KDM5B: variants seen among roughly 807,000 people sequenced by gnomAD.
The protein encoded by KDM5B is lysine-specific demethylase 5B.
Under a neutral mutation model 193.4 loss-of-function variants are expected in KDM5B, and 144 were observed. The observed-to-expected ratio is 0.74, with a 90% CI of 0.65 to 0.86. The LOEUF is 0.86. KDM5B is among the 40% of genes least tolerant of loss of function. The pLI is 0.00. For missense variants in KDM5B, 1,833 were observed against 1,886.9 expected (o/e 0.97, Z 0.53); for synonymous variants, 668 against 682.6 (o/e 0.98, Z 0.33).
chr1:202,734,120 A>G (rs1470503915), intron 22 of KDM5B, among the ~76,000 whole-genome samples: 1 of 152,112 alleles, frequency 6.6e-6, no homozygotes, highest in African/African-American at 2.4e-5. Context: ...TGAGATGACA[A>G]GTAAGAGATG....
chr1:202,784,814 C>T (rs1345784215), intron 1 of KDM5B, among the ~76,000 whole-genome samples: 4 of 152,122 alleles, frequency 2.6e-5, no homozygotes, highest in African/African-American at 9.7e-5. Context: ...CCCAGACAGG[C>T]CTTGAGGCCA....
chr1:202,796,513 T>G (rs556039687), intron 1 of KDM5B: 13 of 188,644 alleles, frequency 6.9e-5, no homozygotes, highest in African/African-American at 2.9e-4. Context: ...GTAGCTGGTG[T>G]GCTGGTCCAC....
At chr1:202,796,819 G>C (rs1464672723) in intron 1 of KDM5B, 1 of 154,502 alleles carries the variant, frequency 6.5e-6, no homozygotes, top group African/African-American at 2.4e-5. Context: ...GCATCACCAT[G>C]ATGCTGGCTA....
At chr1:202,765,669 A>G (rs960998840) in intron 5 of KDM5B, among the ~76,000 whole-genome samples, 2 of 152,214 alleles carry the variant, frequency 1.3e-5, no homozygotes, top group South Asian at 4.1e-4. Flanking sequence ...GAAAAAGTGA[A>G]TCACTAAATT....
chr1:202,745,393 G>A (rs1025553665), intron 16 of KDM5B, among the ~76,000 whole-genome samples: 32 of 152,170 alleles, frequency 2.1e-4, no homozygotes, highest in African/African-American at 7.5e-4. Flanking sequence ...AAGGGTAGCA[G>A]TGACTTTCAA....
chr1:202,788,059 T>TA, intron 1 of KDM5B, among the ~76,000 whole-genome samples: 1 of 152,284 alleles, frequency 6.6e-6, no homozygotes, highest in South Asian at 2.1e-4. Context: ...GAACACCCCA[T>TA]ACAATCTGTC....
Position 202,745,795 on chromosome 1 carries a change from A to AT in KDM5B, c.2323+62dup, listed in dbSNP as rs1655528274. ...TTCAAGAAATGTTTTGTTGACTTTA[A>AT]TTTGGCTACATCACAATAAGCCCCA... is the stretch of plus-strand genomic sequence containing the variant. On this transcript the variant is annotated intron_variant, in intron 16 of 26. Coordinates refer to ENST00000367265, the MANE Select transcript of KDM5B (RefSeq NM_006618.5). 3.2e-6 allele frequency: 5 copies of AT among 1,582,604 alleles called. No individual in the cohort carries two copies. In the Admixed American group the frequency reaches 8.3e-5, roughly 26 times the overall value.
rs111323468 is a variant in KDM5B at position 202,771,294 on chromosome 1, C to T, written c.576+1824G>A. ...TCACCCAGGCTGGAGTGCAATGGCA[C>T]GATCTCGGCTCATTGCAACCTCTGC... is the stretch of plus-strand genomic sequence containing the variant. On this transcript the variant is annotated intron_variant, in intron 4 of 26. Transcript: ENST00000367265. Among the ~76,000 whole-genome samples the T allele has an allele frequency of 1.3e-4, 20 of 152,172 alleles. 2 individuals are homozygous for T. The highest frequency in any genetic ancestry group is 3.4e-4 in the African/African-American group (14 of 41,530).
chr1:202,751,014 G>A (rs1655769050), intron 12 of KDM5B, among the ~76,000 whole-genome samples: 1 of 152,172 alleles, frequency 6.6e-6, no homozygotes, highest in Non-Finnish European at 1.5e-5. Flanking sequence ...AAACAAAAAT[G>A]TGCCCATATT....
intron 1 of KDM5B, among the ~76,000 whole-genome samples, chr1:202,780,313 A>G (rs1309609090): frequency 6.6e-6 from 1 of 152,114 alleles, no homozygotes; most frequent in Non-Finnish European, 1.5e-5. Context: ...CAGTCTCCCA[A>G]GTAGCTGGGA....
chr1:202,761,196 T>C (rs1339946701), intron 7 of KDM5B, among the ~76,000 whole-genome samples: 7 of 152,108 alleles, frequency 4.6e-5, no homozygotes, highest in Admixed American at 4.6e-4. Context: ...ATCCCAACAC[T>C]TTTGGGGGCC....
chr1:202,790,475 T>A (rs991093131), intron 1 of KDM5B, among the ~76,000 whole-genome samples: 1 of 151,886 alleles, frequency 6.6e-6, no homozygotes, highest in Non-Finnish European at 1.5e-5. Context: ...ATCCCAGCAC[T>A]TTGGGAGGCT....
At chr1:202,742,351 G>C in intron 18 of KDM5B, 40 bp downstream of exon 18, 1 of 1,364,590 alleles carries the variant, frequency 7.3e-7, no homozygotes, top group Non-Finnish European at 1.0e-6. Context: ...CAAAATACAG[G>C]ATTACCAAAG....
chr1:202,730,832 TTA>T, intron 25 of KDM5B, 75 bp downstream of exon 25: 1 of 1,408,728 alleles, frequency 7.1e-7, no homozygotes, highest in Non-Finnish European at 9.6e-7. Flanking sequence ...AGCTGTCTGG[TTA>T]TGTTTCGAGG....
Position 202,733,877 on chromosome 1 carries a change from G to C in KDM5B, c.3433C>G (p.Leu1145Val), listed in dbSNP as rs1366857278. The C allele has an allele frequency of 6.2e-7, 1 of 1,607,524 alleles. No homozygotes were observed. The highest frequency in any genetic ancestry group is 8.5e-7 in the Non-Finnish European group (1 of 1,176,826). Residue 1145 changes from leucine (L) to valine (V), a missense_variant, in exon 23 of 27, where the codon CTT becomes GTT. Coordinates refer to ENST00000367265, the MANE Select transcript of KDM5B (RefSeq NM_006618.5). ...ATTTCCCTTAGGCGAGCTTCCCCAAGAGTTGCCATCTGAAAAAGAGTTAAC... is the reference window on the plus strand; with the variant it reads ...ATTTCCCTTAGGCGAGCTTCCCCAACAGTTGCCATCTGAAAAAGAGTTAAC... ...SKETASAMAT[L>V]GEARLREMEA...
intron 1 of KDM5B, among the ~76,000 whole-genome samples, chr1:202,805,061 C>A (rs1658238365): frequency 6.6e-6 from 1 of 152,086 alleles, no homozygotes; most frequent in Admixed American, 6.5e-5. Flanking sequence ...CCAAATACCA[C>A]AAAGTGATAT....
At position 202,741,970 on chromosome 1, in the gene KDM5B, G is replaced by C. The variant is rs1655362722; in HGVS notation, c.2590-248C>G. ...TTTTTTCTGCAACCTCCGCCTCTTG[G>C]GTTCAAGCGATTCTCCTGCTTCAGC... On this transcript the variant is annotated intron_variant, in intron 18 of 26. Transcript: ENST00000367265. Among the ~76,000 whole-genome samples the C allele has an allele frequency of 4.0e-5, 6 of 151,390 alleles. No individual in the cohort carries two copies. The South Asian group carries it at 1.3e-3, about 32-fold the overall frequency.
intron 2 of KDM5B, among the ~76,000 whole-genome samples, chr1:202,776,589 C>CT (rs1656964256): frequency 6.6e-6 from 1 of 152,060 alleles, no homozygotes; most frequent in African/African-American, 2.4e-5. Flanking sequence ...GGGTCTTGCT[C>CT]TGTCGCCCAG....
At chr1:202,740,605 C>T (rs1357249644) in intron 20 of KDM5B, 69 bp downstream of exon 20, 13 of 1,458,284 alleles carry the variant, frequency 8.9e-6, no homozygotes, top group Admixed American at 7.7e-5. Context: ...ACCTCCCTCC[C>T]GGACGGGGCG....
Sources: gnomAD v4.1 joint callset for allele counts (sites outside exome capture counted in the v4.1 genomes callset) on GRCh38, gnomAD v4.1.1 for gene constraint, MANE v1.5 for transcripts, NCBI Gene and HGNC (gene_info 2026-07-23, HGNC 2026-07-21) for gene names.